The following CREG2 variants were observed in gnomAD, a reference collection of about 807,000 sequenced individuals.
The protein encoded by CREG2 is protein CREG2.
Under a neutral mutation model 26.2 loss-of-function variants are expected in CREG2, and 24 were observed. The observed-to-expected ratio is 0.92, with a 90% CI of 0.66 to 1.29. The LOEUF is 1.29. Ranked by LOEUF, CREG2 falls within the 50% of genes most tolerant of loss-of-function variation. The pLI, the probability that CREG2 is intolerant of heterozygous loss-of-function variation, is 0.00. For synonymous variants in CREG2, 174 were observed against 169.2 expected (o/e 1.03, Z -0.22); for missense variants, 366 against 398.6 (o/e 0.92, Z 0.70).
chr2:101,356,032 T>A (rs1283032023), intron 2 of CREG2, among the ~76,000 whole-genome samples: 1 of 152,080 alleles, frequency 6.6e-6, no homozygotes. Context: ...AGAGGTTTTA[T>A]GAAGCAGTGG....
chr2:101,378,698 C>T (rs1361370949), intron 2 of CREG2, among the ~76,000 whole-genome samples: 2 of 152,104 alleles, frequency 1.3e-5, no homozygotes, highest in African/African-American at 2.4e-5. Flanking sequence ...CTGAACCGGC[C>T]GGGTATTTCA....
chr2:101,374,651 C>T (rs1270402187), intron 2 of CREG2, among the ~76,000 whole-genome samples: 3 of 152,214 alleles, frequency 2.0e-5, no homozygotes, highest in African/African-American at 7.2e-5. Context: ...AAGCCAGCTG[C>T]TGCAAGCAGG....
chr2:101,347,431 A>G lies in CREG2; in HGVS notation c.*3492T>C, dbSNP rs1376364910. 2 of 152,034 alleles carry G rather than the reference A, an allele frequency of 1.3e-5. No homozygotes were observed. The highest frequency in any genetic ancestry group is 4.8e-5 in the African/African-American group (2 of 41,388). 9.4% of individuals were successfully genotyped at this position (152,034 alleles called of 1,614,324 possible). ...AGTGGCTGTTCCATTTTCTATTCCC[A>G]CCACTAGTGTATGACTGACCCGGTT... On this transcript the variant is annotated 3_prime_UTR_variant, in exon 4 of 4. Coordinates refer to ENST00000324768, the MANE Select transcript of CREG2 (RefSeq NM_153836.4).
At chr2:101,365,148 G>A (rs1301139645) in intron 2 of CREG2, among the ~76,000 whole-genome samples, 1 of 152,214 alleles carries the variant, frequency 6.6e-6, no homozygotes, top group Non-Finnish European at 1.5e-5. Context: ...GGAAAATGGT[G>A]AGGCCTGCAG....
At chr2:101,384,706 A>T (rs1284675245) in intron 1 of CREG2, among the ~76,000 whole-genome samples, 2 of 152,158 alleles carry the variant, frequency 1.3e-5, no homozygotes, top group African/African-American at 4.8e-5. Context: ...AAAGTTTTTT[A>T]AAAAATTAGC....
chr2:101,371,359 C>T (rs1019860348), intron 2 of CREG2, among the ~76,000 whole-genome samples: 1 of 152,102 alleles, frequency 6.6e-6, no homozygotes, highest in Non-Finnish European at 1.5e-5. Flanking sequence ...TAAAAAGGGA[C>T]CTGCCTGCCA....
rs1360955342 is a variant in CREG2 at position 101,346,924 on chromosome 2, T to C, written c.*3999A>G. 1 of 152,254 alleles carries C rather than the reference T, an allele frequency of 6.6e-6. No homozygotes were observed. Among genetic ancestry groups the C allele is most frequent in the Non-Finnish European group, 1.5e-5 (1 of 68,038 alleles). 9.4% of individuals were successfully genotyped at this position (152,254 alleles called of 1,614,324 possible). A position where few individuals can be genotyped will look rare whatever the true frequency, so the allele number is the denominator to read the frequency against. On this transcript the variant is annotated 3_prime_UTR_variant, in exon 4 of 4. Transcript: ENST00000324768. ...ACATTGATTTGGTCAAGATACTGAA[T>C]ATGTCCATCACCACAAGGATCTCTT...
intron 2 of CREG2, among the ~76,000 whole-genome samples, chr2:101,362,989 G>C (rs997838234): frequency 6.6e-6 from 1 of 152,168 alleles, no homozygotes; most frequent in Non-Finnish European, 1.5e-5. Flanking sequence ...CTCACTCATC[G>C]AGGCTGGCCT....
At chr2:101,383,177 C>A in intron 2 of CREG2, 2 of 336,408 alleles carry the variant, frequency 5.9e-6, no homozygotes, top group Non-Finnish European at 1.0e-5. Context: ...CTTCCTTTAC[C>A]AACCCTCACT....
chr2:101,384,146 T>C (rs1003301246), intron 1 of CREG2, among the ~76,000 whole-genome samples: 1 of 152,214 alleles, frequency 6.6e-6, no homozygotes, highest in African/African-American at 2.4e-5. Context: ...TTAGGGAGGA[T>C]GTTTAAGTCT....
In CREG2 at chr2:101,359,072, AG is replaced by A. The variant is rs145215376; in HGVS notation, c.612-3707del. On this transcript the variant is annotated intron_variant, in intron 2 of 3. Coordinates refer to ENST00000324768, the MANE Select transcript of CREG2 (RefSeq NM_153836.4). ...AAAAAAAAAAAAAAAAAAAAAAAAA[AG>A]AGAGAACTGAGGCAAGTTTTAGAGC... Among the ~76,000 whole-genome samples, 161 of 130,154 alleles carry A rather than the reference AG, an allele frequency of 1.2e-3. 54 individuals are homozygous for A. Among genetic ancestry groups the A allele is most frequent in the African/African-American group, 4.1e-3 (121 of 29,584 alleles). The allele number at this position is 130,154 out of a possible 152,430, so 85.4% of individuals were successfully genotyped here.
intron 2 of CREG2, among the ~76,000 whole-genome samples, chr2:101,356,430 T>G (rs1305030114): frequency 6.6e-6 from 1 of 152,228 alleles, no homozygotes; most frequent in Non-Finnish European, 1.5e-5. Context: ...GAGGGAACAA[T>G]GTTTCAGTTC....
chr2:101,373,808 C>A lies in CREG2; in HGVS notation c.611+9725G>T, dbSNP rs1684748730. Among the ~76,000 whole-genome samples the A allele has an allele frequency of 1.3e-5, 2 of 152,326 alleles. 1 individual carries two copies. Among genetic ancestry groups the A allele is most frequent in the African/African-American group, 4.8e-5 (2 of 41,584 alleles). The stretch of plus-strand genomic sequence containing the variant: ...GAAGGTGAAAGAGAATACTTGAACA[C>A]TGGCTCATCAAGCTTTCTCTTTACA... On this transcript the variant is annotated intron_variant, in intron 2 of 3. Transcript: ENST00000324768.
intron 2 of CREG2, among the ~76,000 whole-genome samples, chr2:101,366,833 G>T (rs966365400): frequency 5.9e-5 from 9 of 151,754 alleles, no homozygotes; most frequent in African/African-American, 9.7e-5. Flanking sequence ...ATAATAATAA[G>T]AATAATAATA....
At chr2:101,355,448 A>G in intron 2 of CREG2, 82 bp from the exon 3 acceptor site, 2 of 808,352 alleles carry the variant, frequency 2.5e-6, no homozygotes, top group Non-Finnish European at 4.2e-6. Flanking sequence ...TAAACTTAAA[A>G]ATAGTAGTCA....
chr2:101,362,633 C>T (rs1272577730), intron 2 of CREG2, among the ~76,000 whole-genome samples: 5 of 152,168 alleles, frequency 3.3e-5, no homozygotes, highest in Non-Finnish European at 7.4e-5. Flanking sequence ...GCAACTTGAG[C>T]GAGCTTACTT....
chr2:101,368,213 G>A lies in CREG2; in HGVS notation c.612-12847C>T, dbSNP rs564718717. 1.1e-4 allele frequency among the ~76,000 whole-genome samples: 17 copies of A among 151,814 alleles called. No homozygotes were observed. The South Asian group carries it at 2.1e-3, about 19-fold the overall frequency. On this transcript the variant is annotated intron_variant, in intron 2 of 3. Coordinates refer to ENST00000324768, the MANE Select transcript of CREG2 (RefSeq NM_153836.4). ...TGAGGCAGTAGAATTGCTTGAATCC[G>A]GGAGGCGGAGCTTGCAGTGAGCCGA...
At chr2:101,369,909 A>T (rs1214662410) in intron 2 of CREG2, among the ~76,000 whole-genome samples, 2 of 152,182 alleles carry the variant, frequency 1.3e-5, no homozygotes, top group Non-Finnish European at 2.9e-5. Flanking sequence ...GAACAATTCA[A>T]ATCAACTTAA....
At chr2:101,383,942 G>C (rs1056625484) in intron 1 of CREG2, among the ~76,000 whole-genome samples, 1 of 152,212 alleles carries the variant, frequency 6.6e-6, no homozygotes, top group Non-Finnish European at 1.5e-5. Context: ...CTGTTTGGAA[G>C]GGGTGGTGAA....
Sources: allele counts gnomAD v4.1 joint callset (sites outside exome capture counted in the v4.1 genomes callset), GRCh38; gene constraint gnomAD v4.1.1; transcripts MANE v1.5; gene names NCBI Gene and HGNC (gene_info 2026-07-23, HGNC 2026-07-21).